The following OXSR1 variants were observed in gnomAD, a reference collection of about 807,000 sequenced individuals.
OXSR1 encodes oxidative stress responsive kinase 1.
In OXSR1, 24 loss-of-function variants were observed where a neutral mutation model predicts 79.8. The observed-to-expected ratio is 0.30, with a 90% CI of 0.22 to 0.42. The LOEUF (loss-of-function observed/expected upper bound fraction) is 0.42, where lower values mean the gene tolerates loss of function less well. Ranked by LOEUF, OXSR1 falls within the 10% of genes least tolerant of loss-of-function variation. The pLI, the probability that OXSR1 is intolerant of heterozygous loss-of-function variation, is 1.00. For missense variants in OXSR1, 430 were observed against 618.4 expected (o/e 0.70, Z 3.23); for synonymous variants, 226 against 209.2 (o/e 1.08, Z -0.69).
At position 38,253,697 on chromosome 3, in the gene OXSR1, TC is replaced by T. The variant is rs1407452557; in HGVS notation, c.*807del. 4 of 153,066 alleles carry T rather than the reference TC, an allele frequency of 2.6e-5. No individual in the cohort carries two copies. Among genetic ancestry groups the T allele is most frequent in the African/African-American group, 9.6e-5 (4 of 41,454 alleles). 9.5% of individuals were successfully genotyped at this position (153,066 alleles called of 1,614,324 possible). A position where few individuals can be genotyped will look rare whatever the true frequency, so the allele number is the denominator to read the frequency against. Reference sequence around the variant, plus strand: ...GGTTTTTGAACAGGAAAATCATAATTCATATCATTGGAGAAGTATTTATTTT... The same window carrying T: ...GGTTTTTGAACAGGAAAATCATAATTATATCATTGGAGAAGTATTTATTTT... On this transcript the variant is annotated 3_prime_UTR_variant, in exon 18 of 18. Transcript: ENST00000311806.
rs1334530628 is a variant in OXSR1 at position 38,165,693 on chromosome 3, A to C, written c.-184A>C. On this transcript the variant is annotated 5_prime_UTR_variant, in exon 1 of 18. Coordinates refer to ENST00000311806, the MANE Select transcript of OXSR1 (RefSeq NM_005109.3). ...GGAGGCGAGGTCCGCCGGAGCTCTG[A>C]GCCCCCGCTGCTCTGCCGCGCGGTG... 5.4e-6 allele frequency: 3 copies of C among 552,464 alleles called. No homozygotes were observed. Among genetic ancestry groups the C allele is most frequent in the African/African-American group, 2.0e-5 (1 of 49,220 alleles). The allele number at this position is 552,464 out of a possible 1,614,324, so 34.2% of individuals were successfully genotyped here.
chr3:38,168,793 C>T (rs1701517700), intron 1 of OXSR1, among the ~76,000 whole-genome samples: 1 of 152,162 alleles, frequency 6.6e-6, no homozygotes, highest in Non-Finnish European at 1.5e-5. Context: ...TGTTTGGCTT[C>T]TTTTACTTTC....
intron 1 of OXSR1, among the ~76,000 whole-genome samples, chr3:38,176,819 T>C (rs1701684586): frequency 6.6e-6 from 1 of 152,224 alleles, no homozygotes; most frequent in Non-Finnish European, 1.5e-5. Context: ...GTATTGTTAT[T>C]AGTGAAATTG....
intron 1 of OXSR1, among the ~76,000 whole-genome samples, chr3:38,170,340 C>T (rs181206439): frequency 8.9e-4 from 136 of 152,302 alleles, no homozygotes; most frequent in African/African-American, 3.3e-3. Flanking sequence ...GCCCCCGCGC[C>T]TGGCCTCTTT....
intron 4 of OXSR1, among the ~76,000 whole-genome samples, chr3:38,199,913 C>G (rs995022977): frequency 6.6e-6 from 1 of 152,168 alleles, no homozygotes; most frequent in Non-Finnish European, 1.5e-5. Context: ...CCATTCAGTC[C>G]CTGTTGATAT....
At chr3:38,184,927 TTTTTTTTTTTTTTTTTTTTTTTTTGGG>T (rs1701853712) in intron 2 of OXSR1, among the ~76,000 whole-genome samples, 1 of 85,018 alleles carries the variant, frequency 1.2e-5, no homozygotes, top group African/African-American at 5.6e-5. Context: ...TTTTTTTTTT[TTTTTTTTTTTTTTTTTTTTTTTTTGGG>T]TTTCTTTGAG....
intron 7 of OXSR1, among the ~76,000 whole-genome samples, 173 bp downstream of exon 7, chr3:38,224,086 C>T (rs1201591395): frequency 1.3e-5 from 2 of 152,130 alleles, no homozygotes; most frequent in Non-Finnish European, 2.9e-5. Flanking sequence ...GCGTTCATCA[C>T]GTTGTGCAGT....
At chr3:38,170,533 T>C (rs1701559459) in intron 1 of OXSR1, among the ~76,000 whole-genome samples, 1 of 152,274 alleles carries the variant, frequency 6.6e-6, no homozygotes, top group South Asian at 2.1e-4. Flanking sequence ...TTTAAGCCTC[T>C]GATACATACT....
At chr3:38,215,748 T>G (rs1380608613) in intron 4 of OXSR1, among the ~76,000 whole-genome samples, 1 of 152,188 alleles carries the variant, frequency 6.6e-6, no homozygotes, top group Non-Finnish European at 1.5e-5. Context: ...AGTTGCATAC[T>G]GATGATTTTA....
At chr3:38,202,478 C>T (rs972964949) in intron 4 of OXSR1, among the ~76,000 whole-genome samples, 2 of 152,124 alleles carry the variant, frequency 1.3e-5, no homozygotes, top group Non-Finnish European at 2.9e-5. Context: ...CTCCTGAGCT[C>T]AAGCAGTCCT....
intron 6 of OXSR1, among the ~76,000 whole-genome samples, chr3:38,223,051 A>G (rs1702620175): frequency 6.6e-6 from 1 of 152,192 alleles, no homozygotes; most frequent in South Asian, 2.1e-4. Context: ...ATTACCAAAT[A>G]TATTTAGATT....
intron 4 of OXSR1, among the ~76,000 whole-genome samples, chr3:38,200,788 T>A (rs558828635): frequency 5.9e-5 from 9 of 152,334 alleles, no homozygotes; most frequent in East Asian, 3.9e-4. Context: ...TTTATAATTT[T>A]AAAAAATCTA....
intron 3 of OXSR1, among the ~76,000 whole-genome samples, chr3:38,192,365 C>A (rs1457282702): frequency 2.8e-4 from 42 of 152,224 alleles, no homozygotes; most frequent in African/African-American, 1.0e-3. Context: ...CTCTAATGAG[C>A]TTTGGTATTT....
chr3:38,248,853 A>G (rs1703197632), intron 14 of OXSR1, among the ~76,000 whole-genome samples: 1 of 152,236 alleles, frequency 6.6e-6, no homozygotes, highest in South Asian at 2.1e-4. Context: ...TGTGAAATGT[A>G]TTAAGCACAG....
intron 4 of OXSR1, among the ~76,000 whole-genome samples, chr3:38,211,292 G>A (rs1314303955): frequency 6.6e-6 from 1 of 152,100 alleles, no homozygotes; most frequent in Admixed American, 6.5e-5. Context: ...AACCTGTCCA[G>A]CTCTCTGTGG....
Position 38,236,850 on chromosome 3 carries a change from A to G in OXSR1, c.963A>G (p.Val321=). The change falls in exon 11 of 18, where the codon GTA becomes GTG. Residue 321 remains valine (V), a synonymous_variant. Coordinates refer to ENST00000311806, the MANE Select transcript of OXSR1 (RefSeq NM_005109.3). ...ISERAKKVRR[V]PGSSGRLHKT... ...TTTCTAATGAGCAGGTTCGGAGAGTACCAGGTTCCAGTGGGCGTCTTCATA... is the reference window on the plus strand; with the variant it reads ...TTTCTAATGAGCAGGTTCGGAGAGTGCCAGGTTCCAGTGGGCGTCTTCATA... The G allele has an allele frequency of 6.2e-7, 1 of 1,611,708 alleles. No individual in the cohort carries two copies. The highest frequency in any genetic ancestry group is 8.5e-7 in the Non-Finnish European group (1 of 1,178,498).
intron 10 of OXSR1, among the ~76,000 whole-genome samples, chr3:38,231,368 A>G (rs1702803492): frequency 6.6e-6 from 1 of 152,052 alleles, no homozygotes; most frequent in African/African-American, 2.4e-5. Context: ...GGACAATGTC[A>G]TCCCAAACCA....
chr3:38,234,339 G>A (rs889629449), intron 10 of OXSR1, among the ~76,000 whole-genome samples: 1 of 152,126 alleles, frequency 6.6e-6, no homozygotes, highest in Non-Finnish European at 1.5e-5. Flanking sequence ...ATAATTATTT[G>A]CAAATCATAT....
chr3:38,245,695 A>G (rs1404640952), intron 12 of OXSR1, among the ~76,000 whole-genome samples: 2 of 152,192 alleles, frequency 1.3e-5, no homozygotes, highest in African/African-American at 4.8e-5. Flanking sequence ...AATTAGGATC[A>G]GTTGTTGCCT....
Sources: gnomAD v4.1 joint callset for allele counts (sites outside exome capture counted in the v4.1 genomes callset) on GRCh38, gnomAD v4.1.1 for gene constraint, MANE v1.5 for transcripts, NCBI Gene and HGNC (gene_info 2026-07-23, HGNC 2026-07-21) for gene names.